PTPRN2: variants seen among roughly 807,000 people sequenced by gnomAD.
PTPRN2 encodes protein tyrosine phosphatase receptor type N2, also known as receptor-type tyrosine-protein phosphatase N2.
A neutral mutation model predicts 118.8 loss-of-function variants in PTPRN2; 74 were observed. The ratio of observed to expected loss-of-function variants is 0.62; its 90% CI spans 0.52 to 0.76. The LOEUF is 0.76. Ranked by LOEUF, PTPRN2 falls within the 30% of genes least tolerant of loss-of-function variation. The probability of loss-of-function intolerance (pLI) is 0.00; values close to 1 mark genes in which losing one functional copy is unlikely to be tolerated. For synonymous variants in PTPRN2, 641 were observed against 608.0 expected, an observed-to-expected ratio of 1.05 and a Z score of -0.80; for missense variants, 1,481 against 1,394.4, an observed-to-expected ratio of 1.06 and a Z score of -0.99.
Position 157,585,544 on chromosome 7 carries a change from A to C in PTPRN2, c.2497-7404T>G, listed in dbSNP as rs903871819. Among the ~76,000 whole-genome samples, 1 of 152,136 alleles carries C rather than the reference A, an allele frequency of 6.6e-6. No homozygotes were observed. Among genetic ancestry groups the C allele is most frequent in the Admixed American group, 6.5e-5 (1 of 15,278 alleles). On this transcript the variant is annotated intron_variant, in intron 17 of 22. Transcript: ENST00000389418. The surrounding 1 kb of genome is among the most constrained non-coding windows in gnomAD (Gnocchi z 5.2). Reference sequence around the variant, plus strand: ...ACCGTGGGTGCCTTTGTGATCAGGCATTGGACCCGCACAGGAAGTCACCTG... The same window carrying C: ...ACCGTGGGTGCCTTTGTGATCAGGCCTTGGACCCGCACAGGAAGTCACCTG...
At chr7:158,467,435 C>T (rs1819474939) in intron 2 of PTPRN2, among the ~76,000 whole-genome samples, 1 of 152,186 alleles carries the variant, frequency 6.6e-6, no homozygotes, top group South Asian at 2.1e-4. Flanking sequence ...TTTCCTTTAC[C>T]GCACGGCAGC....
intron 1 of PTPRN2, among the ~76,000 whole-genome samples, chr7:158,561,874 C>T (rs1827408559): frequency 6.6e-6 from 1 of 151,820 alleles, no homozygotes; most frequent in South Asian, 2.1e-4. Flanking sequence ...CTGCCCGTGG[C>T]CCTGGAACAC....
At chr7:157,879,768 C>T (rs1385813223) in intron 12 of PTPRN2, among the ~76,000 whole-genome samples, 2 of 149,316 alleles carry the variant, frequency 1.3e-5, no homozygotes, top group East Asian at 2.0e-4. Flanking sequence ...CCGGCTTACT[C>T]GTGGCCTGGA....
chr7:158,352,703 G>A (rs778187580), intron 2 of PTPRN2, among the ~76,000 whole-genome samples: 11 of 152,176 alleles, frequency 7.2e-5, no homozygotes, highest in Non-Finnish European at 1.2e-4. Context: ...TGACAAAAAC[G>A]AATCACACCT....
intron 12 of PTPRN2, among the ~76,000 whole-genome samples, chr7:157,683,669 TGGAG>T (rs1480957124): frequency 2.0e-5 from 3 of 152,026 alleles, no homozygotes; most frequent in Non-Finnish European, 4.4e-5. Context: ...CACTGCTTCT[TGGAG>T]GGCGGGGGTA....
chr7:158,341,592 C>T (rs1806812836), intron 2 of PTPRN2, among the ~76,000 whole-genome samples: 1 of 101,646 alleles, frequency 9.8e-6, no homozygotes, highest in African/African-American at 3.6e-5. Context: ...GAGGTGACAC[C>T]CGCAGACATC....
intron 12 of PTPRN2, among the ~76,000 whole-genome samples, chr7:157,885,428 G>A (rs1242480928): frequency 6.6e-6 from 1 of 152,198 alleles, no homozygotes; most frequent in Non-Finnish European, 1.5e-5. Flanking sequence ...GGCAGAGAAA[G>A]GCACCTGAGC....
intron 2 of PTPRN2, among the ~76,000 whole-genome samples, chr7:158,445,140 G>A (rs1817636637): frequency 6.6e-6 from 1 of 152,174 alleles, no homozygotes. Flanking sequence ...CCAGCCTCAG[G>A]GCTTTGTCTC....
intron 1 of PTPRN2, among the ~76,000 whole-genome samples, chr7:158,559,510 C>G (rs1370348775): frequency 6.6e-6 from 1 of 152,196 alleles, no homozygotes; most frequent in Admixed American, 6.5e-5. Context: ...CAAATAACGA[C>G]TGTCCCATCG....
chr7:157,833,547 G>C (rs1393541622), intron 12 of PTPRN2, among the ~76,000 whole-genome samples: 5 of 151,442 alleles, frequency 3.3e-5, no homozygotes, highest in African/African-American at 1.2e-4. Flanking sequence ...ATTTGTCCAG[G>C]AGCGAGATGT....
chr7:157,573,271 C>T (rs1474606699), intron 19 of PTPRN2, among the ~76,000 whole-genome samples: 3 of 152,232 alleles, frequency 2.0e-5, no homozygotes, highest in Non-Finnish European at 4.4e-5. Context: ...TAGAATCAAG[C>T]AGGCTCAACT....
intron 6 of PTPRN2, among the ~76,000 whole-genome samples, chr7:158,142,186 C>T (rs960615434): frequency 6.6e-6 from 1 of 152,256 alleles, no homozygotes; most frequent in African/African-American, 2.4e-5. Flanking sequence ...TTTCCACATG[C>T]AAACCCTGCG....
intron 3 of PTPRN2, among the ~76,000 whole-genome samples, chr7:158,291,514 A>G (rs1432382692): frequency 6.6e-6 from 1 of 152,190 alleles, no homozygotes; most frequent in African/African-American, 2.4e-5. Context: ...TGTTTTCCAA[A>G]AAGTGTTTAT....
rs749886375 is a variant in PTPRN2 at position 157,788,374 on chromosome 7, C to CAAAAAAAAA, written c.1789-105446_1789-105438dup. On this transcript the variant is annotated intron_variant, in intron 12 of 22. Coordinates refer to ENST00000389418, the MANE Select transcript of PTPRN2 (RefSeq NM_002847.5). ...TGGGAAACAGAATGAGACTCCATCTCAAAAAAAAAAAAAAAAAAGAAAGTA... is the reference window on the plus strand; with the variant it reads ...TGGGAAACAGAATGAGACTCCATCTCAAAAAAAAAAAAAAAAAAAAAAAAAAAGAAAGTA... Among the ~76,000 whole-genome samples, 151 of 75,504 alleles carry CAAAAAAAAA rather than the reference C, an allele frequency of 2.0e-3. 6 individuals are homozygous for CAAAAAAAAA. Among genetic ancestry groups the CAAAAAAAAA allele is most frequent in the African/African-American group, 5.9e-3 (127 of 21,648 alleles). The allele number at this position is 75,504 out of a possible 152,430, so 49.5% of individuals were successfully genotyped here. A position where few individuals can be genotyped will look rare whatever the true frequency, so the allele number is the denominator to read the frequency against.
chr7:158,314,302 T>C (rs554270860), intron 3 of PTPRN2, among the ~76,000 whole-genome samples: 112 of 152,298 alleles, frequency 7.4e-4, no homozygotes, highest in African/African-American at 2.6e-3. Flanking sequence ...TAAATGAGGC[T>C]TTTCCCTCTT....
chr7:157,893,850 C>A lies in PTPRN2; in HGVS notation c.1788+4823G>T, dbSNP rs921003584. Reference sequence around the variant, plus strand: ...AGGAGGGAGCCAGGCCCTGGAGAGTCCAATCTGTAGAACTCACGGAGGAGG... The same window carrying A: ...AGGAGGGAGCCAGGCCCTGGAGAGTACAATCTGTAGAACTCACGGAGGAGG... On this transcript the variant is annotated intron_variant, in intron 12 of 22. Transcript: ENST00000389418. The surrounding 1 kb of genome is among the most constrained non-coding windows in gnomAD (Gnocchi z 4.0). 6.6e-6 allele frequency among the ~76,000 whole-genome samples: 1 copy of A among 152,136 alleles called. No homozygotes were observed. Among genetic ancestry groups the A allele is most frequent in the African/African-American group, 2.4e-5 (1 of 41,418 alleles).
intron 11 of PTPRN2, among the ~76,000 whole-genome samples, chr7:157,936,473 G>T (rs929737069): frequency 4.6e-5 from 7 of 152,162 alleles, no homozygotes; most frequent in African/African-American, 1.7e-4. Flanking sequence ...TTCCACGGAG[G>T]CACCTCTGTC....
At chr7:158,086,516 C>G (rs1467942221) in intron 10 of PTPRN2, among the ~76,000 whole-genome samples, 1 of 152,242 alleles carries the variant, frequency 6.6e-6, no homozygotes, top group Non-Finnish European at 1.5e-5. Flanking sequence ...TGGCAAACAG[C>G]TGGACTTGAG....
At chr7:157,561,423 C>T (rs1799186581) in intron 21 of PTPRN2, among the ~76,000 whole-genome samples, 1 of 152,260 alleles carries the variant, frequency 6.6e-6, no homozygotes, top group African/African-American at 2.4e-5. Context: ...CCCAAAGGAA[C>T]TCCCCAGCGA....
Sources: allele counts gnomAD v4.1 joint callset (sites outside exome capture counted in the v4.1 genomes callset), GRCh38; gene constraint gnomAD v4.1.1; non-coding constraint Gnocchi (gnomAD v3.1); transcripts MANE v1.5; gene names NCBI Gene and HGNC (gene_info 2026-07-23, HGNC 2026-07-21).